The following DCDC2 variants were observed in gnomAD, a reference collection of about 807,000 sequenced individuals.
DCDC2 encodes the protein doublecortin domain containing 2, also known as doublecortin domain-containing protein 2.
DCDC2 carries 40 observed loss-of-function variants against 50.2 expected under a neutral mutation model. That is an observed-to-expected ratio of 0.80 (90% CI 0.62 to 1.04). The LOEUF (loss-of-function observed/expected upper bound fraction) is 1.04, where lower values mean the gene tolerates loss of function less well. Ranked by LOEUF, DCDC2 falls within the 50% of genes least tolerant of loss-of-function variation. The pLI is 0.00. For missense variants in DCDC2, 570 were observed against 581.9 expected, an observed-to-expected ratio of 0.98 and a Z score of 0.21; for synonymous variants, 234 against 210.6, an observed-to-expected ratio of 1.11 and a Z score of -0.96.
At chr6:24,278,927 T>C (rs1437604382) in intron 6 of DCDC2, among the ~76,000 whole-genome samples, 1 of 152,118 alleles carries the variant, frequency 6.6e-6, no homozygotes, top group Non-Finnish European at 1.5e-5. Context: ...CACGACCACA[T>C]GTCCCCACTT....
intron 2 of DCDC2, among the ~76,000 whole-genome samples, chr6:24,345,828 A>G (rs1277351): frequency 0.46 from 70,395 of 151,990 alleles, 18,288 homozygotes; most frequent in Admixed American, 0.56. Flanking sequence ...AGAAGAGGAA[A>G]CCCAAAACAG....
chr6:24,355,880 C>A (rs1267529761), intron 1 of DCDC2, among the ~76,000 whole-genome samples: 1 of 152,012 alleles, frequency 6.6e-6, no homozygotes, highest in East Asian at 1.9e-4. Flanking sequence ...AAAAATATTT[C>A]TATGTAGTTA....
intron 7 of DCDC2, among the ~76,000 whole-genome samples, chr6:24,244,315 T>C (rs1016907181): frequency 1.1e-4 from 16 of 152,220 alleles, no homozygotes; most frequent in South Asian, 8.3e-4. Context: ...AGAAGCCTAA[T>C]CAAAAGATTT....
chr6:24,290,867 C>A, intron 5 of DCDC2, 65 bp downstream of exon 5: 1 of 1,417,012 alleles, frequency 7.1e-7, no homozygotes, highest in South Asian at 1.3e-5. Context: ...TGGTGGTCAG[C>A]AAAAGACCCA....
intron 7 of DCDC2, among the ~76,000 whole-genome samples, chr6:24,242,485 G>A (rs140860041): frequency 0.014 from 2,195 of 152,206 alleles, 16 homozygotes; most frequent in Middle Eastern, 0.044. Context: ...TGGCACCTTC[G>A]CTGTGAAGTC....
chr6:24,252,498 A>T (rs1015759869), intron 7 of DCDC2, among the ~76,000 whole-genome samples: 1 of 152,210 alleles, frequency 6.6e-6, no homozygotes, highest in Non-Finnish European at 1.5e-5. Flanking sequence ...TGAAACCAGA[A>T]TTTTAAGGGG....
chr6:24,348,176 G>C (rs1760302355), intron 2 of DCDC2, among the ~76,000 whole-genome samples: 1 of 152,222 alleles, frequency 6.6e-6, no homozygotes, highest in Admixed American at 6.5e-5. Flanking sequence ...CAGTGACAAA[G>C]AGGCAGGAGG....
intron 2 of DCDC2, among the ~76,000 whole-genome samples, chr6:24,306,839 G>A (rs1759484865): frequency 1.3e-5 from 2 of 152,146 alleles, no homozygotes; most frequent in South Asian, 4.1e-4. Flanking sequence ...TTCCATAACA[G>A]TAGGTCAATA....
chr6:24,266,826 A>T (rs996536336), intron 7 of DCDC2, among the ~76,000 whole-genome samples: 3 of 152,244 alleles, frequency 2.0e-5, no homozygotes, highest in African/African-American at 7.2e-5. Flanking sequence ...AAAGAAAGGA[A>T]ATCAGTATAT....
intron 8 of DCDC2, among the ~76,000 whole-genome samples, chr6:24,203,231 A>T (rs973973196): frequency 6.6e-6 from 1 of 152,222 alleles, no homozygotes; most frequent in Non-Finnish European, 1.5e-5. Flanking sequence ...CCTGACTTCA[A>T]ACTATACTAC....
intron 2 of DCDC2, among the ~76,000 whole-genome samples, chr6:24,336,223 A>T (rs1353573394): frequency 1.2e-4 from 18 of 152,202 alleles, no homozygotes; most frequent in African/African-American, 3.6e-4. Flanking sequence ...CTGGCTGCTT[A>T]TTCTCTCAAC....
chr6:24,306,543 T>TAGATAGATAGACAGACAGACAGACAGAC (rs1209633765), intron 2 of DCDC2, among the ~76,000 whole-genome samples: 1 of 115,656 alleles, frequency 8.6e-6, no homozygotes, highest in Non-Finnish European at 1.8e-5. Flanking sequence ...GATAGATAGA[T>TAGATAGATAGACAGACAGACAGACAGAC]AGACAGACAG....
chr6:24,351,619 G>C (rs952266344), intron 2 of DCDC2, among the ~76,000 whole-genome samples: 31 of 152,200 alleles, frequency 2.0e-4, no homozygotes, highest in African/African-American at 7.0e-4. Flanking sequence ...GGATGAAAGA[G>C]ATGCAGTCTT....
chr6:24,187,436 G>A (rs192314622), intron 8 of DCDC2, among the ~76,000 whole-genome samples: 17 of 151,986 alleles, frequency 1.1e-4, no homozygotes, highest in African/African-American at 3.9e-4. Context: ...TCAGGTGGCC[G>A]TCACTCCTCA....
In DCDC2 at chr6:24,302,010, G is replaced by A. The variant is rs904520404; in HGVS notation, c.383C>T (p.Ser128Leu). ...CTGAAGCGGTTTTCTAAAGCGAGCTGACACGTTGATCCTGCTATGGATTAC... is the reference window on the plus strand; with the variant it reads ...CTGAAGCGGTTTTCTAAAGCGAGCTAACACGTTGATCCTGCTATGGATTAC... ...KPVIHSRINV[S>L]ARFRKPLQEP... Residue 128 changes from serine (S) to leucine (L), a missense_variant, in exon 3 of 10, where the codon TCA (serine) becomes TTA (leucine). By Grantham distance (145) the Ser-to-Leu change is moderately radical. Transcript: ENST00000378454. 2 of 1,613,912 alleles carry A rather than the reference G, an allele frequency of 1.2e-6. No homozygotes were observed. The highest frequency in any genetic ancestry group is 3.3e-5 in the Admixed American group (2 of 59,986).
intron 7 of DCDC2, among the ~76,000 whole-genome samples, chr6:24,247,285 T>C (rs576068959): frequency 9.9e-5 from 15 of 152,204 alleles, no homozygotes; most frequent in South Asian, 2.1e-4. Context: ...GCCTCAGTGA[T>C]AGAGCAAGAC....
chr6:24,366,430 G>A, the DCDC2 span, among the ~76,000 whole-genome samples: 2 of 152,194 alleles, frequency 1.3e-5, no homozygotes, highest in Non-Finnish European at 2.9e-5. Context: ...CTATAAAGTA[G>A]CAAGTTTAGA....
intron 4 of DCDC2, among the ~76,000 whole-genome samples, chr6:24,292,753 C>G (rs1483539162): frequency 3.3e-5 from 5 of 152,158 alleles, no homozygotes; most frequent in Admixed American, 6.5e-5. Flanking sequence ...ACATTTTGGA[C>G]CAGATAATTC....
intron 7 of DCDC2, among the ~76,000 whole-genome samples, chr6:24,224,293 C>G (rs1762181051): frequency 6.6e-6 from 1 of 152,210 alleles, no homozygotes; most frequent in Non-Finnish European, 1.5e-5. Context: ...ACTGCCACTG[C>G]TTCTTAGACT....
Sources: allele counts gnomAD v4.1 joint callset (sites outside exome capture counted in the v4.1 genomes callset), GRCh38; gene constraint gnomAD v4.1.1; transcripts MANE v1.5; gene names NCBI Gene and HGNC (gene_info 2026-07-23, HGNC 2026-07-21).